Variants in NTM observed in about 807,000 individuals in gnomAD.
NTM encodes IgLON family member 2.
A neutral mutation model predicts 42.1 loss-of-function variants in NTM; 13 were observed. The ratio of observed to expected loss-of-function variants is 0.31; its 90% CI spans 0.20 to 0.49. The LOEUF (loss-of-function observed/expected upper bound fraction) is 0.49, where lower values mean the gene tolerates loss of function less well. NTM is among the 20% of genes least tolerant of loss of function. The pLI is 0.99. For missense variants in NTM, 373 were observed against 452.8 expected (o/e 0.82, Z 1.60); for synonymous variants, 187 against 179.2 (o/e 1.04, Z -0.35).
intron 2 of NTM, among the ~76,000 whole-genome samples, chr11:132,079,614 C>CA (rs1347876737): frequency 2.0e-5 from 3 of 152,098 alleles, no homozygotes; most frequent in African/African-American, 7.2e-5. Context: ...AAAGTATGCC[C>CA]ATTTTTTCTA....
intron 4 of NTM, among the ~76,000 whole-genome samples, chr11:132,241,456 C>A (rs1434741807): frequency 6.6e-6 from 1 of 152,112 alleles, no homozygotes; most frequent in Non-Finnish European, 1.5e-5. Flanking sequence ...TCCTCATCCC[C>A]CCCAGCAATA....
At chr11:132,175,333 A>G (rs1474803743) in intron 3 of NTM, among the ~76,000 whole-genome samples, 1 of 152,012 alleles carries the variant, frequency 6.6e-6, no homozygotes, top group African/African-American at 2.4e-5. Context: ...TCACTCATGT[A>G]TGTCCACACC....
At chr11:132,316,290 T>TTTATGACAAGGAAAG (rs1166439854) in intron 7 of NTM, among the ~76,000 whole-genome samples, 1 of 152,218 alleles carries the variant, frequency 6.6e-6, no homozygotes, top group African/African-American at 2.4e-5. Flanking sequence ...ATAGATGACA[T>TTTATGACAAGGAAAG]TTATGACAAG....
At chr11:131,540,990 G>T (rs761688105) in intron 1 of NTM, 2 of 152,284 alleles carry the variant, frequency 1.3e-5, no homozygotes, top group South Asian at 4.1e-4. Flanking sequence ...TGGCACGAGA[G>T]GAAATTGCAT....
chr11:131,668,918 A>AT (rs1338938579), intron 1 of NTM, among the ~76,000 whole-genome samples: 1 of 152,226 alleles, frequency 6.6e-6, no homozygotes. Flanking sequence ...AATAATAATA[A>AT]AGTAAGGCTC....
intron 4 of NTM, among the ~76,000 whole-genome samples, chr11:132,227,829 G>C (rs1566525397): frequency 1.3e-5 from 2 of 152,048 alleles, no homozygotes; most frequent in African/African-American, 4.8e-5. Context: ...ATTCCACTGG[G>C]GATTGATAGT....
At chr11:131,441,599 T>G (rs1289995789) in intron 1 of NTM, among the ~76,000 whole-genome samples, 1 of 152,218 alleles carries the variant, frequency 6.6e-6, no homozygotes, top group Non-Finnish European at 1.5e-5. Flanking sequence ...TATCTAGGAT[T>G]GGAGCATGGC....
At chr11:132,132,686 G>A (rs760840036) in intron 2 of NTM, among the ~76,000 whole-genome samples, 1 of 152,124 alleles carries the variant, frequency 6.6e-6, no homozygotes, top group Non-Finnish European at 1.5e-5. Context: ...GAACAGGGTG[G>A]GGTAGAGACC....
chr11:131,622,920 G>A (rs1024276334), intron 1 of NTM, among the ~76,000 whole-genome samples: 7 of 152,154 alleles, frequency 4.6e-5, no homozygotes, highest in Non-Finnish European at 7.3e-5. Flanking sequence ...CCGTCCAGGT[G>A]CTCTCATTGG....
intron 1 of NTM, among the ~76,000 whole-genome samples, chr11:131,437,963 G>A (rs1049652966): frequency 6.6e-6 from 1 of 152,178 alleles, no homozygotes; most frequent in African/African-American, 2.4e-5. Context: ...AGGAGCTCTT[G>A]TAAGGCAGGC....
At chr11:131,711,647 C>A in intron 1 of NTM, among the ~76,000 whole-genome samples, 2 of 151,626 alleles carry the variant, frequency 1.3e-5, no homozygotes, top group Non-Finnish European at 3.0e-5. Flanking sequence ...ACCCAAAGGA[C>A]TATAAATCAT....
At chr11:131,764,808 C>T (rs1019607638) in intron 1 of NTM, among the ~76,000 whole-genome samples, 1 of 152,126 alleles carries the variant, frequency 6.6e-6, no homozygotes, top group African/African-American at 2.4e-5. Context: ...TGTCCTCACC[C>T]TCCCAGGAGC....
At chr11:132,001,286 A>G (rs1315661089) in intron 2 of NTM, among the ~76,000 whole-genome samples, 1 of 152,238 alleles carries the variant, frequency 6.6e-6, no homozygotes, top group East Asian at 1.9e-4. Flanking sequence ...GTATCTTAGT[A>G]CCACTTTTTA....
intron 1 of NTM, among the ~76,000 whole-genome samples, chr11:131,652,729 C>T (rs2066654185): frequency 6.6e-6 from 1 of 152,162 alleles, no homozygotes; most frequent in Admixed American, 6.5e-5. Context: ...GGACTTAGAC[C>T]TGCTTTCTCA....
At chr11:131,995,038 T>A (rs889571194) in intron 2 of NTM, among the ~76,000 whole-genome samples, 1 of 152,152 alleles carries the variant, frequency 6.6e-6, no homozygotes, top group African/African-American at 2.4e-5. Flanking sequence ...TTATTTGCAT[T>A]ATTGAAATGA....
intron 1 of NTM, among the ~76,000 whole-genome samples, chr11:131,493,532 T>C (rs1412582637): frequency 6.6e-6 from 1 of 152,140 alleles, no homozygotes; most frequent in African/African-American, 2.4e-5. Flanking sequence ...TTTCTTCAGC[T>C]CCTGAATGGA....
intron 4 of NTM, among the ~76,000 whole-genome samples, chr11:132,245,495 G>A (rs1045727078): frequency 6.6e-6 from 1 of 152,124 alleles, no homozygotes; most frequent in Non-Finnish European, 1.5e-5. Context: ...GAAAGAGCAA[G>A]CGGAGCATTT....
At chr11:131,609,275 C>T (rs1195724947) in intron 1 of NTM, among the ~76,000 whole-genome samples, 2 of 152,170 alleles carry the variant, frequency 1.3e-5, no homozygotes, top group African/African-American at 4.8e-5. Context: ...AGAGCTTAGG[C>T]CTGGGTTGCT....
rs560636334 is a variant in NTM, at chr11:132,092,960, T to A, written c.168-53322T>A. Among the ~76,000 whole-genome samples, 3 of 152,326 alleles carry A rather than the reference T, an allele frequency of 2.0e-5. No homozygotes were observed. In the East Asian group the frequency reaches 5.8e-4, roughly 29 times the overall value. On this transcript the variant is annotated intron_variant, in intron 2 of 8. Coordinates refer to ENST00000683400, the MANE Select transcript of NTM (RefSeq NM_001352005.2). Reference sequence around the variant, plus strand: ...TATTATGGCAACCCCTAACTGGCCTTCCCACCTCAGGCTGGCCCTGATCCA... The same window carrying A: ...TATTATGGCAACCCCTAACTGGCCTACCCACCTCAGGCTGGCCCTGATCCA...
Sources: allele counts gnomAD v4.1 joint callset (sites outside exome capture counted in the v4.1 genomes callset), GRCh38; gene constraint gnomAD v4.1.1; transcripts MANE v1.5; gene names NCBI Gene and HGNC (gene_info 2026-07-23, HGNC 2026-07-21).